The following RAPGEF2 variants were observed in gnomAD, a reference collection of about 807,000 sequenced individuals.
RAPGEF2 encodes the protein Rap guanine nucleotide exchange factor 2.
Under a neutral mutation model 186.7 loss-of-function variants are expected in RAPGEF2, and 54 were observed. The observed-to-expected ratio is 0.29, with a 90% CI of 0.23 to 0.36. RAPGEF2 has a LOEUF of 0.36. RAPGEF2 is among the 10% of genes least tolerant of loss of function. The probability of loss-of-function intolerance (pLI) is 1.00; values close to 1 mark genes in which losing one functional copy is unlikely to be tolerated. For synonymous variants in RAPGEF2, 712 were observed against 705.9 expected, an observed-to-expected ratio of 1.01 and a Z score of -0.14; for missense variants, 1,532 against 2,045.0, an observed-to-expected ratio of 0.75 and a Z score of 4.84.
rs191210838 is a variant in RAPGEF2 at position 159,202,049 on chromosome 4, G to A, written c.198-8451G>A. Reference sequence around the variant, plus strand: ...AATAGCACCAAAATTGGTATTTGATGCTATATGTGGTTCTCAGTTGTGCCG... The same window carrying A: ...AATAGCACCAAAATTGGTATTTGATACTATATGTGGTTCTCAGTTGTGCCG... On this transcript the variant is annotated intron_variant, in intron 3 of 29. Coordinates refer to ENST00000691494, the MANE Select transcript of RAPGEF2 (RefSeq NM_001394067.2). Among the ~76,000 whole-genome samples the A allele has an allele frequency of 9.2e-5, 14 of 152,330 alleles. No homozygotes were observed. The East Asian group carries it at 2.5e-3, about 27-fold the overall frequency.
At chr4:159,233,340 C>T (rs189751965) in intron 4 of RAPGEF2, among the ~76,000 whole-genome samples, 9 of 152,112 alleles carry the variant, frequency 5.9e-5, no homozygotes, top group East Asian at 3.9e-4. Context: ...GTATCTTGTG[C>T]GGTAGGGGTC....
At chr4:159,326,986 A>G (rs1766015021) in intron 11 of RAPGEF2, 1 of 152,210 alleles carries the variant, frequency 6.6e-6, no homozygotes, top group Admixed American at 6.5e-5. Context: ...CAGTTTAAAT[A>G]GATCTCACCT....
rs1356170609 is a variant in RAPGEF2 at position 159,345,161 on chromosome 4, G to C, written c.3334G>C (p.Gly1112Arg). The change falls in exon 24 of 30, where the codon GGT (glycine) becomes CGT (arginine). Residue 1112 changes from glycine to arginine, a missense_variant. Gly to Arg is a moderately radical substitution (Grantham distance 125). Coordinates refer to ENST00000691494, the MANE Select transcript of RAPGEF2 (RefSeq NM_001394067.2). ...ATVLDVAQTG[G>R]HKKRVRRSSF... Reference sequence around the variant, plus strand: ...AGTGCTAGATGTTGCTCAGACAGGTGGTCATAAAAAGCGGGTACGTCGTAG... The same window carrying C: ...AGTGCTAGATGTTGCTCAGACAGGTCGTCATAAAAAGCGGGTACGTCGTAG... 6.2e-7 allele frequency: 1 copy of C among 1,614,124 alleles called. No homozygotes were observed. Among genetic ancestry groups the C allele is most frequent in the East Asian group, 2.2e-5 (1 of 44,884 alleles).
intron 1 of RAPGEF2, among the ~76,000 whole-genome samples, chr4:159,184,304 G>A (rs534783709): frequency 1.4e-4 from 21 of 152,284 alleles, no homozygotes; most frequent in African/African-American, 4.8e-4. Flanking sequence ...ATAGATCCTT[G>A]AGGAATCGCC....
intron 1 of RAPGEF2, among the ~76,000 whole-genome samples, chr4:159,138,612 G>T (rs1171251524): frequency 6.6e-6 from 1 of 152,086 alleles, no homozygotes; most frequent in Admixed American, 6.5e-5. Flanking sequence ...GACTCATTTG[G>T]GAAGTACAAA....
intron 1 of RAPGEF2, among the ~76,000 whole-genome samples, chr4:159,165,018 T>A (rs571303644): frequency 2.6e-5 from 4 of 152,258 alleles, no homozygotes; most frequent in East Asian, 3.9e-4. Context: ...TCTGCACATT[T>A]AAAAAAATCT....
intron 7 of RAPGEF2, among the ~76,000 whole-genome samples, chr4:159,256,934 A>G (rs1756240400): frequency 6.6e-6 from 1 of 151,584 alleles, no homozygotes; most frequent in Admixed American, 6.6e-5. Context: ...TAGACTCTGG[A>G]TATTAGACCT....
intron 7 of RAPGEF2, among the ~76,000 whole-genome samples, chr4:159,254,937 A>G (rs756035514): frequency 6.6e-6 from 1 of 152,232 alleles, no homozygotes; most frequent in Non-Finnish European, 1.5e-5. Flanking sequence ...GTGCATAATG[A>G]CATTTTTGTC....
chr4:159,210,658 T>C, intron 4 of RAPGEF2, 75 bp downstream of exon 4: 1 of 1,173,292 alleles, frequency 8.5e-7, no homozygotes, highest in Non-Finnish European at 1.2e-6. Context: ...TCTAAAATTC[T>C]TTTCTCTTCC....
chr4:159,268,594 T>C (rs779582003), intron 7 of RAPGEF2, among the ~76,000 whole-genome samples: 1 of 150,894 alleles, frequency 6.6e-6, no homozygotes, highest in Non-Finnish European at 1.5e-5. Flanking sequence ...CGGGAATCTA[T>C]AGTGAGGAAT....
rs1286028308 is a variant in RAPGEF2 at position 159,358,926 on chromosome 4, A to G, written c.*787A>G. ...GAAATGTTAGCCAATTAATACCAAG[A>G]CACCTCATCTGCTCCTTCCCCAGTG... is the stretch of plus-strand genomic sequence containing the variant. On this transcript the variant is annotated 3_prime_UTR_variant, in exon 30 of 30. Coordinates refer to ENST00000691494, the MANE Select transcript of RAPGEF2 (RefSeq NM_001394067.2). 3 of 152,166 alleles carry G rather than the reference A, an allele frequency of 2.0e-5. No individual in the cohort carries two copies. The East Asian group carries it at 5.8e-4, about 29-fold the overall frequency. 9.4% of individuals were successfully genotyped at this position (152,166 alleles called of 1,614,324 possible). A position where few individuals can be genotyped will look rare whatever the true frequency, so the allele number is the denominator to read the frequency against.
At position 159,282,547 on chromosome 4, in the gene RAPGEF2, G is replaced by A. The variant is rs1393616559; in HGVS notation, c.544-21795G>A. 22 of 416,384 alleles carry A rather than the reference G, an allele frequency of 5.3e-5. No individual in the cohort carries two copies. In the East Asian group the frequency reaches 1.5e-3, roughly 28 times the overall value. 25.8% of individuals were successfully genotyped at this position (416,384 alleles called of 1,614,324 possible). On this transcript the variant is annotated intron_variant, in intron 7 of 29. Transcript: ENST00000691494. ...TTTAGAGGAGACATCAGTTCATTAT[G>A]TGGATACAAATTCTATGCTTTCGGC...
chr4:159,271,126 CTT>C, intron 7 of RAPGEF2, among the ~76,000 whole-genome samples: 1 of 152,142 alleles, frequency 6.6e-6, no homozygotes. Flanking sequence ...TTAAAAGTCT[CTT>C]TACTCAATTT....
rs34304252 is a variant in RAPGEF2, at chr4:159,250,665, C to CT, written c.543+6895dup. Among the ~76,000 whole-genome samples the CT allele has an allele frequency of 7.2e-3, 881 of 123,006 alleles. 10 individuals carry two copies. The highest frequency in any genetic ancestry group is 0.039 in the East Asian group (163 of 4,174). 80.7% of individuals were successfully genotyped at this position (123,006 alleles called of 152,430 possible). A position where few individuals can be genotyped will look rare whatever the true frequency, so the allele number is the denominator to read the frequency against. On this transcript the variant is annotated intron_variant, in intron 7 of 29. Coordinates refer to ENST00000691494, the MANE Select transcript of RAPGEF2 (RefSeq NM_001394067.2). ...CCTTTCACCAATTATTAGCACTCTT[C>CT]TTTTTTTTTTTTTTTTTTTTTGGGA... is the stretch of plus-strand genomic sequence containing the variant.
intron 4 of RAPGEF2, among the ~76,000 whole-genome samples, chr4:159,232,808 A>T (rs909533637): frequency 6.6e-6 from 1 of 152,120 alleles, no homozygotes; most frequent in African/African-American, 2.4e-5. Context: ...GCTTTCTTGA[A>T]AAAGGGAAAT....
At chr4:159,338,089 C>A in intron 17 of RAPGEF2, among the ~76,000 whole-genome samples, 1 of 151,670 alleles carries the variant, frequency 6.6e-6, no homozygotes, top group Non-Finnish European at 1.5e-5. Context: ...GATGCTATAT[C>A]TAAAAACAAA....
At chr4:159,284,657 T>C (rs1272341141) in intron 7 of RAPGEF2, among the ~76,000 whole-genome samples, 1 of 152,196 alleles carries the variant, frequency 6.6e-6, no homozygotes, top group Non-Finnish European at 1.5e-5. Flanking sequence ...TCATTTTTGG[T>C]TCAGTTCACT....
chr4:159,289,384 A>G (rs1408780987), intron 7 of RAPGEF2, among the ~76,000 whole-genome samples: 2 of 152,162 alleles, frequency 1.3e-5, no homozygotes, highest in Admixed American at 1.3e-4. Context: ...GGCTTCCAGG[A>G]AGGCTAAACT....
chr4:159,324,349 A>G (rs1765645275), intron 11 of RAPGEF2, among the ~76,000 whole-genome samples: 1 of 152,160 alleles, frequency 6.6e-6, no homozygotes, highest in South Asian at 2.1e-4. Flanking sequence ...TTAATGTGGA[A>G]CTATTACTTT....
Sources: gnomAD v4.1 joint callset for allele counts (sites outside exome capture counted in the v4.1 genomes callset) on GRCh38, gnomAD v4.1.1 for gene constraint, MANE v1.5 for transcripts, NCBI Gene and HGNC (gene_info 2026-07-23, HGNC 2026-07-21) for gene names.